LRRC37A2: variants seen among roughly 807,000 people sequenced by gnomAD.
The protein encoded by LRRC37A2 is leucine rich repeat containing 37 member A2.
In LRRC37A2, 9 loss-of-function variants were observed where a neutral mutation model predicts 68.8. The observed-to-expected ratio is 0.13, with a 90% CI of 0.08 to 0.23. The LOEUF (loss-of-function observed/expected upper bound fraction) is 0.23. LRRC37A2 is among the 10% of genes least tolerant of loss of function. The pLI is 1.00. For synonymous variants in LRRC37A2, 63 were observed against 367.6 expected (o/e 0.17, Z 9.48); for missense variants, 168 against 950.4 (o/e 0.18, Z 10.82).
the LRRC37A2 span, among the ~76,000 whole-genome samples, chr17:46,786,523 G>A: frequency 6.6e-6 from 1 of 152,256 alleles, no homozygotes; most frequent in African/African-American, 2.4e-5. Context: ...AAGCCCACAG[G>A]TGGGCAAGTG....
the LRRC37A2 span, among the ~76,000 whole-genome samples, chr17:46,947,261 C>G: frequency 6.6e-6 from 1 of 152,168 alleles, no homozygotes; most frequent in South Asian, 2.1e-4. Context: ...GCAGCCTCCT[C>G]TTTGGTGTAT....
At chr17:46,938,609 A>G in the LRRC37A2 span, 1 of 1,614,040 alleles carries the variant, frequency 6.2e-7, no homozygotes, top group Non-Finnish European at 8.5e-7. Flanking sequence ...GGGACTCAGA[A>G]GAAGATCCTT....
chr17:46,972,984 C>G, the LRRC37A2 span: 1 of 153,410 alleles, frequency 6.5e-6, no homozygotes, highest in Non-Finnish European at 1.5e-5. Context: ...AGTATTCCCT[C>G]TAACTTAGCC....
chr17:46,758,180 AC>A, the LRRC37A2 span, among the ~76,000 whole-genome samples: 1 of 152,196 alleles, frequency 6.6e-6, no homozygotes, highest in Non-Finnish European at 1.5e-5. Context: ...ATAGTTTTTT[AC>A]ATTTTTCTGA....
the LRRC37A2 span, among the ~76,000 whole-genome samples, chr17:47,030,091 CATCATCA>C: frequency 1.2e-5 from 1 of 86,090 alleles, no homozygotes; most frequent in Admixed American, 1.1e-4. Flanking sequence ...TAATAATAAT[CATCATCA>C]TCATCATCAT....
the LRRC37A2 span, among the ~76,000 whole-genome samples, chr17:46,976,796 C>G: frequency 1.3e-5 from 2 of 152,208 alleles, no homozygotes; most frequent in Non-Finnish European, 2.9e-5. Context: ...GCAGCCCAGA[C>G]TCCAGATAAC....
the LRRC37A2 span, among the ~76,000 whole-genome samples, chr17:46,824,301 T>G: frequency 1.3e-5 from 2 of 152,230 alleles, no homozygotes; most frequent in Non-Finnish European, 2.9e-5. Context: ...CAGGCTGGCA[T>G]GCAGTGGTGT....
the LRRC37A2 span, among the ~76,000 whole-genome samples, chr17:46,783,856 G>A: frequency 2.6e-5 from 4 of 152,340 alleles, no homozygotes; most frequent in Non-Finnish European, 5.9e-5. Flanking sequence ...CTAGAAAGGG[G>A]CCCTGAGTGC....
chr17:46,841,947 C>T, the LRRC37A2 span, among the ~76,000 whole-genome samples: 1 of 152,230 alleles, frequency 6.6e-6, no homozygotes, highest in Non-Finnish European at 1.5e-5. Flanking sequence ...CGCCGAGCGT[C>T]CTCCAGCGTC....
the LRRC37A2 span, among the ~76,000 whole-genome samples, chr17:47,032,817 G>A: frequency 6.6e-6 from 1 of 152,130 alleles, no homozygotes; most frequent in Admixed American, 6.5e-5. Context: ...AAGTGACAGA[G>A]CCAGAATTCA....
chr17:46,673,910 GGTGT>G, the LRRC37A2 span, among the ~76,000 whole-genome samples: 204 of 6,992 alleles, frequency 0.029, 84 homozygotes, highest in Middle Eastern at 0.56. Flanking sequence ...ATTCCATGGG[GGTGT>G]GTGTGTGTGT....
At chr17:46,896,980 C>T in the LRRC37A2 span, among the ~76,000 whole-genome samples, 2 of 152,342 alleles carry the variant, frequency 1.3e-5, no homozygotes, top group South Asian at 4.1e-4. Flanking sequence ...ATGCTACAGA[C>T]TGTGACTCTC....
chr17:46,726,187 G>A, the LRRC37A2 span, among the ~76,000 whole-genome samples: 3 of 152,308 alleles, frequency 2.0e-5, no homozygotes, highest in South Asian at 6.2e-4. Flanking sequence ...ATGGCATCTA[G>A]TTTTATTTTA....
the LRRC37A2 span, among the ~76,000 whole-genome samples, chr17:46,457,796 CA>C: frequency 1.2e-4 from 10 of 85,232 alleles, 1 homozygote; most frequent in African/African-American, 3.5e-4. Flanking sequence ...TTGCTGACAG[CA>C]GATCTTGGGA....
At chr17:47,034,549 T>G in the LRRC37A2 span, among the ~76,000 whole-genome samples, 3 of 152,244 alleles carry the variant, frequency 2.0e-5, no homozygotes, top group African/African-American at 7.2e-5. Context: ...TTTGCTAAGT[T>G]GTTTGGCTAC....
chr17:46,918,088 T>C, the LRRC37A2 span, among the ~76,000 whole-genome samples: 2 of 152,246 alleles, frequency 1.3e-5, no homozygotes, highest in African/African-American at 4.8e-5. Flanking sequence ...TGTTTGTTTG[T>C]TTGTTTTTTG....
At chr17:46,939,796 G>A in the LRRC37A2 span, 40 of 987,008 alleles carry the variant, frequency 4.1e-5, no homozygotes, top group Non-Finnish European at 4.2e-5. Context: ...GACCAGCCCC[G>A]GATTCAGGCT....
chr17:46,939,937 C>G, the LRRC37A2 span: 7 of 1,002,092 alleles, frequency 7.0e-6, no homozygotes, highest in Non-Finnish European at 7.2e-6. Context: ...CACAGGCCTA[C>G]CAGCCCTGGG....
the LRRC37A2 span, chr17:46,886,187 C>CATATCAGT: frequency 6.6e-6 from 1 of 152,258 alleles, no homozygotes; most frequent in Non-Finnish European, 1.5e-5. Flanking sequence ...GGCTGATACC[C>CATATCAGT]ATATCAGTAC....
Sources: allele counts gnomAD v4.1 joint callset (sites outside exome capture counted in the v4.1 genomes callset), GRCh38; gene constraint gnomAD v4.1.1; transcripts MANE v1.5; gene names NCBI Gene and HGNC (gene_info 2026-07-23, HGNC 2026-07-21).